Variants in WDHD1 observed in about 807,000 individuals in gnomAD.
WDHD1 encodes the protein WD repeat and HMG-box DNA binding protein 1.
In WDHD1, 111 loss-of-function variants were observed where a neutral mutation model predicts 135.4. The observed-to-expected ratio is 0.82, with a 90% CI of 0.70 to 0.96. The LOEUF is 0.96. Among genes scored for constraint, WDHD1 ranks in the 40% least tolerant of loss-of-function variants. The pLI is 0.00. For missense variants in WDHD1, 1,351 were observed against 1,336.3 expected, an observed-to-expected ratio of 1.01 and a Z score of -0.17; for synonymous variants, 434 against 439.0, an observed-to-expected ratio of 0.99 and a Z score of 0.14.
chr14:55,009,275 T>C (rs535889487), intron 4 of WDHD1, among the ~76,000 whole-genome samples: 14 of 152,314 alleles, frequency 9.2e-5, no homozygotes, highest in African/African-American at 3.4e-4. Flanking sequence ...GCTTCTATTA[T>C]TTGCTAATCT....
intron 10 of WDHD1, among the ~76,000 whole-genome samples, chr14:54,998,074 G>A (rs1485531468): frequency 6.6e-6 from 1 of 151,700 alleles, no homozygotes; most frequent in South Asian, 2.1e-4. Context: ...TTAGCAGGGC[G>A]TGGTGGTGGG....
In WDHD1 at chr14:54,957,079, CTT is replaced by C. The variant is rs1355430116; in HGVS notation, c.2869_2870del (p.Lys957ValfsTer14). 6.2e-7 allele frequency: 1 copy of C among 1,614,026 alleles called. No homozygotes were observed. ...GAATCAGAGGCTTTATAATGGGAGA[CTT>C]TTCATTATTTGTAGTTCGACTAAGT... is the stretch of plus-strand genomic sequence containing the variant. ...TALSRTTNNE[K>X]SPIIKPLIPK... On this transcript the variant is annotated frameshift_variant, in exon 23 of 26. Coordinates refer to ENST00000360586, the MANE Select transcript of WDHD1 (RefSeq NM_007086.4). LOFTEE classifies it high-confidence loss of function.
At position 55,007,176 on chromosome 14, in the gene WDHD1, C is replaced by T. The variant is rs1426359521; in HGVS notation, c.600+104G>A. 1.3e-5 allele frequency: 12 copies of T among 904,126 alleles called. 1 individual carries two copies. Among genetic ancestry groups the T allele is most frequent in the Admixed American group, 5.7e-5 (2 of 35,036 alleles). 56.0% of individuals were successfully genotyped at this position (904,126 alleles called of 1,614,324 possible). On this transcript the variant is annotated intron_variant, in intron 7 of 25. Coordinates refer to ENST00000360586, the MANE Select transcript of WDHD1 (RefSeq NM_007086.4). ...CTGGGAGGCAGAGGTTGCAGTGAGC[C>T]GAGATTGCACCACTGCACTCCAGCA...
At chr14:54,951,198 T>G (rs1198636224) in intron 24 of WDHD1, among the ~76,000 whole-genome samples, 1 of 151,690 alleles carries the variant, frequency 6.6e-6, no homozygotes, top group Non-Finnish European at 1.5e-5. Flanking sequence ...AAAAAATCAA[T>G]GAATCCAGGA....
intron 24 of WDHD1, among the ~76,000 whole-genome samples, chr14:54,954,843 C>T (rs1166230298): frequency 6.6e-6 from 1 of 152,142 alleles, no homozygotes; most frequent in Non-Finnish European, 1.5e-5. Flanking sequence ...GATTCTCCTG[C>T]CTCAGCCTTC....
chr14:54,966,393 T>A, intron 18 of WDHD1, 82 bp downstream of exon 18: 1 of 1,465,518 alleles, frequency 6.8e-7, no homozygotes, highest in Non-Finnish European at 9.1e-7. Flanking sequence ...TGGGACTTAG[T>A]CCTAATGCAC....
At chr14:55,003,765 T>C (rs1326666530) in intron 7 of WDHD1, among the ~76,000 whole-genome samples, 2 of 151,950 alleles carry the variant, frequency 1.3e-5, no homozygotes, top group Non-Finnish European at 2.9e-5. Flanking sequence ...GGTCTTATCA[T>C]GTTGGCCAGG....
In WDHD1 at chr14:54,963,013, T is replaced by C. The variant is rs1595071318; in HGVS notation, c.2470A>G (p.Thr824Ala). The C allele has an allele frequency of 2.5e-6, 4 of 1,613,932 alleles. No individual in the cohort carries two copies. The highest frequency in any genetic ancestry group is 3.4e-6 in the Non-Finnish European group (4 of 1,179,942). ...ELAVEKAAEL[T>A]ATQVEEEEEE... ...TCTTCCTCTTCCACCTGGGTTGCTG[T>C]CAATTCGGCTGCCTTCTCTACAGCC... Residue 824 changes from threonine (T) to alanine (A), a missense_variant, in exon 19 of 26, where the codon ACA (threonine) becomes GCA (alanine). Around this residue, in one of 2 missense-constraint regions of WDHD1, gnomAD observed 1,330 missense variants for 1,296.1 expected, o/e 1.03. Coordinates refer to ENST00000360586, the MANE Select transcript of WDHD1 (RefSeq NM_007086.4).
chr14:54,995,884 A>G (rs2041870797), intron 10 of WDHD1, 71 bp from the exon 11 acceptor site: 2 of 1,202,150 alleles, frequency 1.7e-6, no homozygotes, highest in African/African-American at 3.1e-5. Context: ...TAAAAAGGTA[A>G]ACTTTTAATA....
chr14:55,012,588 A>G lies in WDHD1; in HGVS notation c.189+897T>C, dbSNP rs141735548. On this transcript the variant is annotated intron_variant, in intron 3 of 25. Transcript: ENST00000360586. ...GTGTTTTAGTCTGTTCTGTACTGCTATAAGAATCCCACAGACTGGGTAATT... is the reference window on the plus strand; with the variant it reads ...GTGTTTTAGTCTGTTCTGTACTGCTGTAAGAATCCCACAGACTGGGTAATT... 2.6e-4 allele frequency among the ~76,000 whole-genome samples: 39 copies of G among 152,342 alleles called. No individual in the cohort carries two copies. In the East Asian group the frequency reaches 4.6e-3, roughly 18 times the overall value.
intron 25 of WDHD1, among the ~76,000 whole-genome samples, chr14:54,943,757 A>G (rs2140144363): frequency 6.6e-6 from 1 of 152,244 alleles, no homozygotes; most frequent in South Asian, 2.1e-4. Context: ...AACTTAAAAC[A>G]TACAGGAACT....
intron 16 of WDHD1, among the ~76,000 whole-genome samples, chr14:54,973,656 G>C (rs1566720300): frequency 6.6e-6 from 1 of 152,134 alleles, no homozygotes; most frequent in East Asian, 1.9e-4. Flanking sequence ...AAATGAAAAA[G>C]AGCATGTGCA....
chr14:55,025,811 G>A (rs1039950492), intron 2 of WDHD1, among the ~76,000 whole-genome samples: 2 of 152,112 alleles, frequency 1.3e-5, no homozygotes, highest in Admixed American at 6.5e-5. Context: ...GCCCCATTGG[G>A]CCTTTACACA....
intron 25 of WDHD1, 110 bp from the exon 26 acceptor site, chr14:54,941,800 A>C: frequency 1.1e-6 from 1 of 943,322 alleles, no homozygotes; most frequent in Non-Finnish European, 1.5e-6. Flanking sequence ...AAGCAGAATA[A>C]TTAGCACTTG....
At chr14:55,012,668 T>C (rs748211914) in intron 3 of WDHD1, among the ~76,000 whole-genome samples, 22 of 152,300 alleles carry the variant, frequency 1.4e-4, no homozygotes, top group Non-Finnish European at 2.9e-4. Context: ...CACTACAAGA[T>C]TGAGGGGTTG....
intron 7 of WDHD1, chr14:55,005,108 C>A (rs999458968): frequency 1.9e-6 from 1 of 532,124 alleles, no homozygotes; most frequent in African/African-American, 1.9e-5. Flanking sequence ...AGAGATCAGG[C>A]ATGACCTCCC....
In WDHD1 at chr14:55,007,231, T is replaced by TAAAAAA. The variant is rs369698327; in HGVS notation, c.600+43_600+48dup. On this transcript the variant is annotated intron_variant, in intron 7 of 25. Transcript: ENST00000360586. ...AGACAGAGTGAGACTCCATCTCTAA[T>TAAAAAA]AAAAAAAAAAAAAAAAAAGAAAAGA... The TAAAAAA allele has an allele frequency of 4.8e-4, 510 of 1,056,124 alleles. 4 individuals carry two copies. The highest frequency in any genetic ancestry group is 1.8e-3 in the South Asian group (112 of 62,416). 65.4% of individuals were successfully genotyped at this position (1,056,124 alleles called of 1,614,324 possible).
At position 54,962,976 on chromosome 14, in the gene WDHD1, T is replaced by C; in HGVS notation, c.2507A>G (p.Asp836Gly). 1 of 1,608,274 alleles carries C rather than the reference T, an allele frequency of 6.2e-7. No individual in the cohort carries two copies. Among genetic ancestry groups the C allele is most frequent in the Non-Finnish European group, 8.5e-7 (1 of 1,176,946 alleles). The change falls in exon 19 of 26, where the codon GAT becomes GGT. Residue 836 changes from aspartate (D) to glycine (G), a missense_variant. This residue lies in a region of WDHD1 where 1,330 missense variants were observed against 1,296.1 expected (regional missense o/e 1.03). Coordinates refer to ENST00000360586, the MANE Select transcript of WDHD1 (RefSeq NM_007086.4). The part of the protein sequence containing the change: ...TQVEEEEEEE[D>G]FRKKLNAGYS... ...CCCAGCATTCAGCTTTTTTCTGAAA[T>C]CTTCTTCTTCTTCTTCCTCTTCCAC...
In WDHD1 at chr14:54,944,935, T is replaced by C. The variant is rs2040898803; in HGVS notation, c.3051-465A>G. Among the ~76,000 whole-genome samples the C allele has an allele frequency of 2.0e-5, 3 of 152,150 alleles. No individual in the cohort carries two copies. The South Asian group carries it at 6.2e-4, about 32-fold the overall frequency. ...ATATTACTTTAAACTGCCTGGAGACTGCAGGATCAATGAACTGGAAAATCC... is the reference window on the plus strand; with the variant it reads ...ATATTACTTTAAACTGCCTGGAGACCGCAGGATCAATGAACTGGAAAATCC... On this transcript the variant is annotated intron_variant, in intron 24 of 25. Coordinates refer to ENST00000360586, the MANE Select transcript of WDHD1 (RefSeq NM_007086.4).
Sources: allele counts gnomAD v4.1 joint callset (sites outside exome capture counted in the v4.1 genomes callset), GRCh38; gene constraint gnomAD v4.1.1; regional missense constraint gnomAD v4.1.1; transcripts MANE v1.5; gene names NCBI Gene and HGNC (gene_info 2026-07-23, HGNC 2026-07-21).